Variants in GUCY1A1 observed in about 807,000 individuals in gnomAD.
The protein encoded by GUCY1A1 is guanylate cyclase soluble subunit alpha-1.
GUCY1A1 carries 48 observed loss-of-function variants against 64.5 expected under a neutral mutation model. That is an observed-to-expected ratio of 0.74 (90% confidence interval 0.59 to 0.95). The LOEUF (loss-of-function observed/expected upper bound fraction) is 0.95. Ranked by LOEUF, GUCY1A1 falls within the 40% of genes least tolerant of loss-of-function variation. The probability of loss-of-function intolerance (pLI) is 0.00; values close to 1 mark genes in which losing one functional copy is unlikely to be tolerated. For synonymous variants in GUCY1A1, 308 were observed against 303.4 expected, an observed-to-expected ratio of 1.02 and a Z score of -0.16; for missense variants, 804 against 825.3, an observed-to-expected ratio of 0.97 and a Z score of 0.32.
chr4:155,674,360 AAAAAG>A (rs1189793405), intron 2 of GUCY1A1, among the ~76,000 whole-genome samples: 15 of 151,026 alleles, frequency 9.9e-5, no homozygotes, highest in Non-Finnish European at 1.5e-4. Flanking sequence ...TCTAAAAAAA[AAAAAG>A]AAAGAAAGAA....
Position 155,710,885 on chromosome 4 carries a change from C to G in GUCY1A1, c.720C>G (p.Phe240Leu), listed in dbSNP as rs373680424. Residue 240 changes from phenylalanine to leucine, a missense_variant, in exon 6 of 10, where the codon TTC (phenylalanine) becomes TTG (leucine). Physicochemically the swap from Phe to Leu is conservative, Grantham distance 22. Coordinates refer to ENST00000506455, the MANE Select transcript of GUCY1A1 (RefSeq NM_001130682.3). ...AAGTGTCGTTAATGCCTCCCTGCTTCCATAATGATTGCAGCGAGTTTGTGA... is the reference window on the plus strand; with the variant it reads ...AAGTGTCGTTAATGCCTCCCTGCTTGCATAATGATTGCAGCGAGTTTGTGA... ...EVEVSLMPPCFHNDCSEFVNQ... is the reference protein window; with the variant it reads ...EVEVSLMPPCLHNDCSEFVNQ... The G allele has an allele frequency of 1.2e-4, 193 of 1,613,806 alleles. 1 individual carries two copies. In the Middle Eastern group the frequency reaches 2.1e-3, roughly 18 times the overall value.
intron 2 of GUCY1A1, among the ~76,000 whole-genome samples, chr4:155,689,300 A>G (rs1729427644): frequency 6.6e-6 from 1 of 152,162 alleles, no homozygotes; most frequent in South Asian, 2.1e-4. Context: ...CAATGTAACT[A>G]TGATGAGAAT....
Position 155,717,002 on chromosome 4 carries a change from A to G in GUCY1A1, c.1573-157A>G, listed in dbSNP as rs144265480. On this transcript the variant is annotated intron_variant, in intron 7 of 9. Transcript: ENST00000506455. ...GGTCTAAACCTTGCGCATTTCCTGA[A>G]AAAGAAAGCCATTTCTGGGCGTATC... Among the ~76,000 whole-genome samples the G allele has an allele frequency of 3.1e-3, 466 of 152,246 alleles. 6 individuals are homozygous for G. Among genetic ancestry groups the G allele is most frequent in the African/African-American group, 0.01 (423 of 41,546 alleles).
At chr4:155,725,525 T>C (rs1734544055) in intron 9 of GUCY1A1, among the ~76,000 whole-genome samples, 1 of 152,118 alleles carries the variant, frequency 6.6e-6, no homozygotes, top group Non-Finnish European at 1.5e-5. Flanking sequence ...GTTATGTGTA[T>C]ATGTGCATAC....
chr4:155,692,520 G>A (rs1286340023), intron 2 of GUCY1A1, among the ~76,000 whole-genome samples: 2 of 152,192 alleles, frequency 1.3e-5, no homozygotes, highest in Non-Finnish European at 2.9e-5. Context: ...GTATCTCATT[G>A]TGGTTTTTGA....
intron 2 of GUCY1A1, among the ~76,000 whole-genome samples, chr4:155,676,994 A>ATGT (rs1735039626): frequency 2.6e-5 from 4 of 151,458 alleles, no homozygotes; most frequent in Non-Finnish European, 4.4e-5. Flanking sequence ...TCATGACATC[A>ATGT]CACTGAACTG....
chr4:155,706,374 G>A (rs10006158), intron 4 of GUCY1A1, among the ~76,000 whole-genome samples: 146,841 of 152,286 alleles, frequency 0.96, 70,906 homozygotes, highest in East Asian at 1. Flanking sequence ...AGTCACTGCC[G>A]TTTTTATTGC....
chr4:155,717,081 C>A, intron 7 of GUCY1A1, 78 bp from the exon 8 acceptor site: 1 of 1,043,010 alleles, frequency 9.6e-7, no homozygotes, highest in Non-Finnish European at 1.3e-6. Flanking sequence ...TGCTATATGA[C>A]TTAATTTCTT....
Position 155,728,094 on chromosome 4 carries a change from C to T in GUCY1A1, c.1872-1936C>T, listed in dbSNP as rs1186996901. On this transcript the variant is annotated intron_variant, in intron 9 of 9. Coordinates refer to ENST00000506455, the MANE Select transcript of GUCY1A1 (RefSeq NM_001130682.3). Reference sequence around the variant, plus strand: ...AGATTCCCAGTGAACATATCCATATCCTTTTAAGACTTGCCTTGAATCCAC... The same window carrying T: ...AGATTCCCAGTGAACATATCCATATTCTTTTAAGACTTGCCTTGAATCCAC... Among the ~76,000 whole-genome samples the T allele has an allele frequency of 2.0e-5, 3 of 151,894 alleles. No individual in the cohort carries two copies. In the East Asian group the frequency reaches 5.8e-4, roughly 29 times the overall value.
In GUCY1A1 at chr4:155,673,228, T is replaced by C. The variant is rs190566136; in HGVS notation, c.-113+5809T>C. ...TCTTAGAGACTCAGCCACTATTTTG[T>C]ACTTCTCTCAATAAAGTTTATTATG... On this transcript the variant is annotated intron_variant, in intron 2 of 9. Coordinates refer to ENST00000506455, the MANE Select transcript of GUCY1A1 (RefSeq NM_001130682.3). 3.1e-3 allele frequency among the ~76,000 whole-genome samples: 472 copies of C among 151,616 alleles called. 24 individuals carry two copies. Among genetic ancestry groups the C allele is most frequent in the African/African-American group, 0.011 (443 of 40,892 alleles).
Position 155,736,329 on chromosome 4 carries a change from C to T in GUCY1A1, c.*6098C>T, listed in dbSNP as rs1453076174. 1 of 151,918 alleles carries T rather than the reference C, an allele frequency of 6.6e-6. No individual in the cohort carries two copies. The highest frequency in any genetic ancestry group is 1.5e-5 in the Non-Finnish European group (1 of 67,932). 9.4% of individuals were successfully genotyped at this position (151,918 alleles called of 1,614,324 possible). A position where few individuals can be genotyped will look rare whatever the true frequency, so the allele number is the denominator to read the frequency against. Reference sequence around the variant, plus strand: ...GCTACAGTTGGCTAGTGGGTCTTCACTTTTATTGCTTTGAGAAATGGATAA... The same window carrying T: ...GCTACAGTTGGCTAGTGGGTCTTCATTTTTATTGCTTTGAGAAATGGATAA... On this transcript the variant is annotated 3_prime_UTR_variant, in exon 10 of 10. Transcript: ENST00000506455.
At chr4:155,674,958 G>A (rs533946122) in intron 2 of GUCY1A1, among the ~76,000 whole-genome samples, 5 of 151,432 alleles carry the variant, frequency 3.3e-5, no homozygotes, top group Non-Finnish European at 7.4e-5. Context: ...TTGCCTGCAC[G>A]AACATCTCCA....
At position 155,736,147 on chromosome 4, in the gene GUCY1A1, GGACAACAAC is replaced by G. The variant is rs1736031147; in HGVS notation, c.*5917_*5925del. 6.6e-6 allele frequency: 1 copy of G among 151,738 alleles called. No homozygotes were observed. Among genetic ancestry groups the G allele is most frequent in the Non-Finnish European group, 1.5e-5 (1 of 67,894 alleles). The allele number at this position is 151,738 out of a possible 1,614,324, so 9.4% of individuals were successfully genotyped here. A position where few individuals can be genotyped will look rare whatever the true frequency, so the allele number is the denominator to read the frequency against. On this transcript the variant is annotated 3_prime_UTR_variant, in exon 10 of 10. Transcript: ENST00000506455. Reference sequence around the variant, plus strand: ...TGCAATCTGTTAATAAAATATTGTAGGACAACAACTCTATAGACTGATACATGCTGCTCT... The same window carrying G: ...TGCAATCTGTTAATAAAATATTGTAGTCTATAGACTGATACATGCTGCTCT...
In GUCY1A1 at chr4:155,710,745, G is replaced by C; in HGVS notation, c.580G>C (p.Asp194His). 1 of 1,614,000 alleles carries C rather than the reference G, an allele frequency of 6.2e-7. No homozygotes were observed. The highest frequency in any genetic ancestry group is 8.5e-7 in the Non-Finnish European group (1 of 1,179,934). The part of the protein sequence containing the change: ...RLEDASILCL[D>H]KEDDFLHVYY... ...TGAGGACGCCTCCATTCTATGCCTG[G>C]ATAAGGAGGATGATTTTCTACATGT... is the stretch of plus-strand genomic sequence containing the variant. Residue 194 changes from aspartate to histidine, a missense_variant, in exon 6 of 10, where the codon GAT becomes CAT. Asp to His is a moderately conservative substitution (Grantham distance 81). Transcript: ENST00000506455.
intron 9 of GUCY1A1, among the ~76,000 whole-genome samples, chr4:155,725,023 A>G (rs1329681745): frequency 2.0e-5 from 3 of 151,968 alleles, no homozygotes; most frequent in African/African-American, 4.8e-5. Flanking sequence ...CCTCTCTTTA[A>G]AGAGACACTC....
rs144038134 is a variant in GUCY1A1, at chr4:155,736,059, T to C, written c.*5828T>C. ...TTGCACATGTAAATTAAAGATGTTT[T>C]GGAAAATATGAGAACTTGATGTTCA... On this transcript the variant is annotated 3_prime_UTR_variant, in exon 10 of 10. Transcript: ENST00000506455. 6.6e-6 allele frequency: 1 copy of C among 152,072 alleles called. No individual in the cohort carries two copies. Among genetic ancestry groups the C allele is most frequent in the Non-Finnish European group, 1.5e-5 (1 of 67,930 alleles). 9.4% of individuals were successfully genotyped at this position (152,072 alleles called of 1,614,324 possible). A position where few individuals can be genotyped will look rare whatever the true frequency, so the allele number is the denominator to read the frequency against.
chr4:155,683,480 T>C (rs1159036018), intron 2 of GUCY1A1, among the ~76,000 whole-genome samples: 1 of 152,242 alleles, frequency 6.6e-6, no homozygotes, highest in Non-Finnish European at 1.5e-5. Flanking sequence ...TTATTGGCAG[T>C]CCCAAAGTTG....
At chr4:155,687,348 T>G (rs1301592314) in intron 2 of GUCY1A1, among the ~76,000 whole-genome samples, 1 of 152,210 alleles carries the variant, frequency 6.6e-6, no homozygotes, top group Non-Finnish European at 1.5e-5. Context: ...GACTGAAGAC[T>G]TGATCCAAGA....
intron 9 of GUCY1A1, among the ~76,000 whole-genome samples, chr4:155,729,447 CAATT>C (rs1252515621): frequency 6.6e-6 from 1 of 151,722 alleles, no homozygotes; most frequent in East Asian, 1.9e-4. Flanking sequence ...TTGCTAATAA[CAATT>C]AGTAAGTAGA....
Sources: gnomAD v4.1 joint callset for allele counts (sites outside exome capture counted in the v4.1 genomes callset) on GRCh38, gnomAD v4.1.1 for gene constraint, MANE v1.5 for transcripts, NCBI Gene and HGNC (gene_info 2026-07-23, HGNC 2026-07-21) for gene names.